Variants in CSMD1 observed in about 807,000 individuals in gnomAD.
CSMD1 encodes CUB and sushi domain-containing protein 1.
A neutral mutation model predicts 417.5 loss-of-function variants in CSMD1; 213 were observed. That is an observed-to-expected ratio of 0.51 (90% CI 0.46 to 0.57). The LOEUF (loss-of-function observed/expected upper bound fraction) is 0.57, where lower values mean the gene tolerates loss of function less well. Among genes scored for constraint, CSMD1 ranks in the 20% least tolerant of loss-of-function variants. The pLI is 0.00. For missense variants in CSMD1, 6,923 were observed against 4,529.7 expected, an observed-to-expected ratio of 1.53 and a Z score of -15.17; for synonymous variants, 2,862 against 1,736.8, an observed-to-expected ratio of 1.65 and a Z score of -16.11.
chr8:4,050,476 G>A (rs1193354412), intron 3 of CSMD1, among the ~76,000 whole-genome samples: 1 of 152,008 alleles, frequency 6.6e-6, no homozygotes, highest in Non-Finnish European at 1.5e-5. Flanking sequence ...GGCATACGAT[G>A]AATTTTAATT....
chr8:4,442,991 A>T (rs1020878231), intron 2 of CSMD1, among the ~76,000 whole-genome samples: 6 of 152,160 alleles, frequency 3.9e-5, no homozygotes, highest in Middle Eastern at 3.4e-3. Context: ...CATTGCTTTA[A>T]CTCTTCCATC....
chr8:3,933,524 G>A (rs756292416), intron 5 of CSMD1, among the ~76,000 whole-genome samples: 1 of 152,126 alleles, frequency 6.6e-6, no homozygotes, highest in Admixed American at 6.6e-5. Context: ...ACAGTCTGCA[G>A]GCCTTTGAGA....
chr8:4,143,418 A>G (rs1803915455), intron 3 of CSMD1, among the ~76,000 whole-genome samples: 1 of 148,550 alleles, frequency 6.7e-6, no homozygotes, highest in South Asian at 2.1e-4. Context: ...GGTGGAACCC[A>G]GGCTGAAAGT....
At chr8:3,325,042 G>C (rs185509993) in intron 23 of CSMD1, among the ~76,000 whole-genome samples, 49 of 152,088 alleles carry the variant, frequency 3.2e-4, no homozygotes, top group Admixed American at 2.4e-3. Context: ...GTCAGAATTT[G>C]TGGAGCAGAG....
At chr8:3,133,981 C>G (rs1461277052) in intron 41 of CSMD1, among the ~76,000 whole-genome samples, 1 of 152,098 alleles carries the variant, frequency 6.6e-6, no homozygotes, top group African/African-American at 2.4e-5. Context: ...AGATGGAGAC[C>G]AGCCTGGCCA....
At chr8:3,777,075 C>T (rs1203216348) in intron 5 of CSMD1, among the ~76,000 whole-genome samples, 2 of 151,236 alleles carry the variant, frequency 1.3e-5, no homozygotes, top group African/African-American at 4.9e-5. Flanking sequence ...ATCTATCATG[C>T]TTCCTACTAT....
intron 1 of CSMD1, among the ~76,000 whole-genome samples, chr8:4,754,404 C>T (rs9657368): frequency 0.012 from 1,886 of 152,184 alleles, 28 homozygotes; most frequent in African/African-American, 0.043. Flanking sequence ...GTGTCATATC[C>T]CAACTGGGTC....
At chr8:4,403,678 G>A (rs947333940) in intron 3 of CSMD1, among the ~76,000 whole-genome samples, 1 of 152,062 alleles carries the variant, frequency 6.6e-6, no homozygotes, top group Non-Finnish European at 1.5e-5. Flanking sequence ...CTAACCCCTA[G>A]AGTAACCAAA....
chr8:4,211,979 T>C (rs1205157202), intron 3 of CSMD1, among the ~76,000 whole-genome samples: 3 of 152,158 alleles, frequency 2.0e-5, no homozygotes, highest in Non-Finnish European at 4.4e-5. Flanking sequence ...TTTAGCAGTA[T>C]GTCTTCTGTT....
At chr8:4,417,603 G>C (rs936099906) in intron 3 of CSMD1, among the ~76,000 whole-genome samples, 7 of 152,034 alleles carry the variant, frequency 4.6e-5, no homozygotes, top group Admixed American at 2.6e-4. Context: ...TTATACATCA[G>C]TATTTTATTC....
intron 5 of CSMD1, among the ~76,000 whole-genome samples, chr8:3,922,259 T>C (rs144313364): frequency 3.9e-5 from 6 of 152,236 alleles, no homozygotes; most frequent in African/African-American, 1.4e-4. Context: ...TTTCAACCTA[T>C]GTGTGCTCTT....
intron 7 of CSMD1, among the ~76,000 whole-genome samples, chr8:3,691,230 C>T (rs1270668499): frequency 5.9e-5 from 9 of 151,672 alleles, no homozygotes; most frequent in African/African-American, 1.5e-4. Context: ...TAGCCGGGCA[C>T]GGTAACAGGC....
At chr8:3,295,495 C>T (rs1179302265) in intron 25 of CSMD1, among the ~76,000 whole-genome samples, 1 of 152,126 alleles carries the variant, frequency 6.6e-6, no homozygotes, top group Non-Finnish European at 1.5e-5. Context: ...TGTTAATTTA[C>T]TTTAAAACTG....
At chr8:4,899,526 C>T (rs776873064) in intron 1 of CSMD1, among the ~76,000 whole-genome samples, 19 of 152,070 alleles carry the variant, frequency 1.2e-4, no homozygotes, top group Non-Finnish European at 2.6e-4. Context: ...AAATAAGAAG[C>T]AAATGAGCGT....
At chr8:3,221,090 G>C (rs761089581) in intron 28 of CSMD1, among the ~76,000 whole-genome samples, 1 of 152,104 alleles carries the variant, frequency 6.6e-6, no homozygotes, top group Non-Finnish European at 1.5e-5. Context: ...TTGATCTGGA[G>C]ATTCGGATGA....
At chr8:4,485,944 A>G (rs978676319) in intron 2 of CSMD1, among the ~76,000 whole-genome samples, 6 of 152,064 alleles carry the variant, frequency 3.9e-5, no homozygotes, top group Non-Finnish European at 8.8e-5. Context: ...TTGTAGCCAC[A>G]AAGTTCATCA....
chr8:3,579,664 G>A (rs1045097082), intron 9 of CSMD1, among the ~76,000 whole-genome samples: 1 of 152,154 alleles, frequency 6.6e-6, no homozygotes, highest in Non-Finnish European at 1.5e-5. Context: ...TTCCAGGCCT[G>A]GCTTAGGTAG....
At chr8:3,143,251 G>C (rs563410391) in intron 40 of CSMD1, among the ~76,000 whole-genome samples, 3 of 152,080 alleles carry the variant, frequency 2.0e-5, no homozygotes, top group African/African-American at 7.2e-5. Context: ...CTAACTGGAC[G>C]GTCATACCAT....
chr8:3,241,072 G>GTA (rs1389099770), intron 26 of CSMD1, among the ~76,000 whole-genome samples: 6 of 148,544 alleles, frequency 4.0e-5, no homozygotes, highest in South Asian at 2.2e-4. Context: ...AAGGTGAGGG[G>GTA]ATACAAGAGG....
Sources: allele counts gnomAD v4.1 joint callset (sites outside exome capture counted in the v4.1 genomes callset), GRCh38; gene constraint gnomAD v4.1.1; transcripts MANE v1.5; gene names NCBI Gene and HGNC (gene_info 2026-07-23, HGNC 2026-07-21).